TMEM117: variants seen among roughly 807,000 people sequenced by gnomAD.
The protein encoded by TMEM117 is transmembrane protein 117.
TMEM117 carries 27 observed loss-of-function variants against 52.4 expected under a neutral mutation model. That is an observed-to-expected ratio of 0.51 (90% CI 0.38 to 0.71). TMEM117 has a LOEUF of 0.71. TMEM117 is among the 30% of genes least tolerant of loss of function. The pLI is 0.00. For synonymous variants in TMEM117, 215 were observed against 206.3 expected (o/e 1.04, Z -0.36); for missense variants, 556 against 630.5 (o/e 0.88, Z 1.26).
chr12:43,930,933 G>T (rs1187650525), intron 2 of TMEM117, among the ~76,000 whole-genome samples: 2 of 152,116 alleles, frequency 1.3e-5, no homozygotes, highest in African/African-American at 4.8e-5. Context: ...GGGTGTGTGG[G>T]GAGGCCAAAA....
At chr12:44,223,086 A>C (rs1949811469) in intron 5 of TMEM117, among the ~76,000 whole-genome samples, 1 of 149,610 alleles carries the variant, frequency 6.7e-6, no homozygotes, top group Admixed American at 6.7e-5. Flanking sequence ...GTACAAGTGC[A>C]GGTTTGTTAC....
At chr12:44,076,229 T>C (rs748855131) in intron 3 of TMEM117, among the ~76,000 whole-genome samples, 1 of 152,206 alleles carries the variant, frequency 6.6e-6, no homozygotes, top group African/African-American at 2.4e-5. Context: ...GGAAATGACA[T>C]CAGAGAAATT....
chr12:43,882,384 C>T (rs1002812811), intron 2 of TMEM117, among the ~76,000 whole-genome samples: 4 of 143,510 alleles, frequency 2.8e-5, no homozygotes, highest in Non-Finnish European at 4.5e-5. Flanking sequence ...CGCTTGAACC[C>T]GGGAGGTGGA....
At chr12:43,877,156 C>T (rs906297002) in intron 2 of TMEM117, among the ~76,000 whole-genome samples, 1 of 151,996 alleles carries the variant, frequency 6.6e-6, no homozygotes, top group African/African-American at 2.4e-5. Flanking sequence ...CTCATTTGCA[C>T]AATATATTTA....
intron 3 of TMEM117, among the ~76,000 whole-genome samples, chr12:44,102,078 A>C (rs1947870584): frequency 6.6e-6 from 1 of 152,052 alleles, no homozygotes; most frequent in Non-Finnish European, 1.5e-5. Context: ...AAGTTTAAAA[A>C]TTAGAATAAT....
At position 44,224,695 on chromosome 12, in the gene TMEM117, A is replaced by G. The variant is rs1285753582; in HGVS notation, c.608+13308A>G. 2.6e-5 allele frequency among the ~76,000 whole-genome samples: 4 copies of G among 152,148 alleles called. 1 individual carries two copies. Among genetic ancestry groups the G allele is most frequent in the South Asian group, 4.1e-4 (2 of 4,828 alleles). ...ATCGCCATGTAAGTGTGGTCCCCCAATCGCTTGATCTGTAAAGCAGGTTTT... is the reference window on the plus strand; with the variant it reads ...ATCGCCATGTAAGTGTGGTCCCCCAGTCGCTTGATCTGTAAAGCAGGTTTT... On this transcript the variant is annotated intron_variant, in intron 5 of 7. Transcript: ENST00000266534.
intron 2 of TMEM117, among the ~76,000 whole-genome samples, chr12:43,935,612 C>G (rs1944939278): frequency 6.6e-6 from 1 of 152,154 alleles, no homozygotes; most frequent in Admixed American, 6.5e-5. Context: ...TTGAGCTAAT[C>G]TCTCACTGAC....
At chr12:43,993,926 C>A (rs990352910) in intron 3 of TMEM117, among the ~76,000 whole-genome samples, 21 of 152,122 alleles carry the variant, frequency 1.4e-4, no homozygotes, top group African/African-American at 5.1e-4. Flanking sequence ...AACTCCTGGG[C>A]TCAAGTGTTC....
upstream of TMEM117, among the ~76,000 whole-genome samples, chr12:43,834,422 G>T (rs1434952494): frequency 6.6e-6 from 1 of 152,182 alleles, no homozygotes; most frequent in East Asian, 1.9e-4. Context: ...TTTAATCTCT[G>T]CCCTTGAAGA....
chr12:44,393,415 A>G (rs1176514848), downstream of TMEM117, among the ~76,000 whole-genome samples: 2 of 145,402 alleles, frequency 1.4e-5, no homozygotes, highest in East Asian at 3.8e-4. Flanking sequence ...AATATTTTCT[A>G]TGTGAAAATA....
chr12:44,172,221 A>G (rs1403799833), intron 4 of TMEM117, among the ~76,000 whole-genome samples: 2 of 152,222 alleles, frequency 1.3e-5, no homozygotes, highest in African/African-American at 4.8e-5. Context: ...ATAACCAAGT[A>G]CCATTAAATA....
chr12:44,069,242 T>C (rs1375018997), intron 3 of TMEM117, among the ~76,000 whole-genome samples: 1 of 152,322 alleles, frequency 6.6e-6, no homozygotes, highest in East Asian at 1.9e-4. Context: ...CAACTTTTTA[T>C]GTAAAACCTA....
At chr12:43,973,228 G>A (rs920888160) in intron 3 of TMEM117, among the ~76,000 whole-genome samples, 3 of 152,068 alleles carry the variant, frequency 2.0e-5, no homozygotes, top group Admixed American at 2.0e-4. Context: ...AGGAGTCCCA[G>A]GCTACCAGAA....
chr12:43,899,485 C>T (rs1944269089), intron 2 of TMEM117, among the ~76,000 whole-genome samples: 1 of 152,134 alleles, frequency 6.6e-6, no homozygotes, highest in African/African-American at 2.4e-5. Context: ...AACCAGCCTC[C>T]TATCATGATC....
At chr12:44,235,323 A>C (rs1159707662) in intron 5 of TMEM117, among the ~76,000 whole-genome samples, 1 of 150,892 alleles carries the variant, frequency 6.6e-6, no homozygotes, top group East Asian at 1.9e-4. Context: ...TACGTTTTAA[A>C]TGTTTCCTGT....
chr12:44,295,178 A>G (rs1950752474), intron 5 of TMEM117, among the ~76,000 whole-genome samples: 3 of 151,838 alleles, frequency 2.0e-5, no homozygotes, highest in Non-Finnish European at 2.9e-5. Flanking sequence ...ATAGGTTAGT[A>G]TGCTCTCTTT....
At chr12:44,087,821 C>T (rs1403175172) in intron 3 of TMEM117, among the ~76,000 whole-genome samples, 2 of 152,156 alleles carry the variant, frequency 1.3e-5, no homozygotes, top group Non-Finnish European at 2.9e-5. Context: ...ATGTTTTTCT[C>T]TGCCTCTCTA....
At chr12:43,865,899 TAATA>T (rs1320910613) in intron 2 of TMEM117, among the ~76,000 whole-genome samples, 1 of 151,708 alleles carries the variant, frequency 6.6e-6, no homozygotes, top group African/African-American at 2.4e-5. Flanking sequence ...TAGAGGAAGA[TAATA>T]AAACAATGTA....
chr12:44,071,378 G>T (rs1205019095), intron 3 of TMEM117, among the ~76,000 whole-genome samples: 1 of 152,056 alleles, frequency 6.6e-6, no homozygotes, highest in Admixed American at 6.6e-5. Flanking sequence ...ATGACCTAAG[G>T]CTCCAAAATG....
Sources: gnomAD v4.1 joint callset for allele counts (sites outside exome capture counted in the v4.1 genomes callset) on GRCh38, gnomAD v4.1.1 for gene constraint, MANE v1.5 for transcripts, NCBI Gene and HGNC (gene_info 2026-07-23, HGNC 2026-07-21) for gene names.